CATSPER3: variants seen among roughly 807,000 people sequenced by gnomAD.
CATSPER3 encodes the protein cation channel sperm associated 3, also known as cation channel sperm-associated protein 3.
A neutral mutation model predicts 36.6 loss-of-function variants in CATSPER3; 23 were observed. The ratio of observed to expected loss-of-function variants is 0.63; its 90% CI spans 0.45 to 0.89. CATSPER3 has a LOEUF of 0.89. CATSPER3 is among the 40% of genes least tolerant of loss of function. The pLI, the probability that CATSPER3 is intolerant of heterozygous loss-of-function variation, is 0.00. For synonymous variants in CATSPER3, 172 were observed against 184.1 expected (o/e 0.93, Z 0.53); for missense variants, 474 against 503.9 (o/e 0.94, Z 0.57).
chr5:135,000,556 T>G (rs1320426261), intron 3 of CATSPER3, among the ~76,000 whole-genome samples: 6 of 152,142 alleles, frequency 3.9e-5, no homozygotes, highest in Non-Finnish European at 8.8e-5. Context: ...GTCCTGGAGT[T>G]TTTTTGGTTG....
At chr5:135,003,262 A>G (rs1428883929) in intron 3 of CATSPER3, among the ~76,000 whole-genome samples, 1 of 152,178 alleles carries the variant, frequency 6.6e-6, no homozygotes, top group Non-Finnish European at 1.5e-5. Context: ...AGGCTGCAAA[A>G]CAGCGAATAT....
Position 134,990,428 on chromosome 5 carries a change from C to A in CATSPER3, c.253-5845C>A, listed in dbSNP as rs565280601. Among the ~76,000 whole-genome samples the A allele has an allele frequency of 3.3e-4, 51 of 152,252 alleles. 1 individual carries two copies. The highest frequency in any genetic ancestry group is 2.9e-3 in the Admixed American group (45 of 15,294). ...AATTAGCGTCTCCAAAGGTGGCAAT[C>A]AGATATGCATTTATCTCAGTGAGCA... is the stretch of plus-strand genomic sequence containing the variant. On this transcript the variant is annotated intron_variant, in intron 2 of 7. Transcript: ENST00000282611.
chr5:134,981,768 A>G (rs1298246428), intron 2 of CATSPER3, among the ~76,000 whole-genome samples: 1 of 152,346 alleles, frequency 6.6e-6, no homozygotes, highest in East Asian at 1.9e-4. Flanking sequence ...TCTGACTTAT[A>G]CAATGAACAG....
At chr5:134,993,777 A>C (rs1215783014) in intron 2 of CATSPER3, among the ~76,000 whole-genome samples, 1 of 152,240 alleles carries the variant, frequency 6.6e-6, no homozygotes, top group Non-Finnish European at 1.5e-5. Flanking sequence ...TCTACTGCCC[A>C]AAACAAACTA....
chr5:134,998,476 A>T (rs1337412955), intron 3 of CATSPER3, among the ~76,000 whole-genome samples: 1 of 152,208 alleles, frequency 6.6e-6, no homozygotes. Flanking sequence ...CTAGTTATAG[A>T]TCCTTGAGGA....
intron 3 of CATSPER3, among the ~76,000 whole-genome samples, chr5:135,000,078 G>A (rs867966702): frequency 1.3e-4 from 20 of 152,122 alleles, no homozygotes; most frequent in Admixed American, 9.2e-4. Context: ...TTTGAGATAC[G>A]TCCCATCAGT....
chr5:134,977,434 C>A (rs1399977879), intron 2 of CATSPER3, among the ~76,000 whole-genome samples: 4 of 152,192 alleles, frequency 2.6e-5, no homozygotes, highest in African/African-American at 9.6e-5. Flanking sequence ...CAACCAAGTT[C>A]TTTGCTAAGG....
At chr5:134,969,616 T>G (rs1363600155) in intron 1 of CATSPER3, 1 of 376,790 alleles carries the variant, frequency 2.7e-6, no homozygotes, top group Non-Finnish European at 5.0e-6. Context: ...ACTAGATTGC[T>G]TGATATGTAG....
intron 2 of CATSPER3, among the ~76,000 whole-genome samples, chr5:134,980,021 G>T (rs148063708): frequency 1.5e-3 from 191 of 131,692 alleles, no homozygotes; most frequent in African/African-American, 4.9e-3. Context: ...TTACTCTGTT[G>T]TCTGGGCTAG....
intron 3 of CATSPER3, among the ~76,000 whole-genome samples, chr5:134,997,136 G>C (rs1751960149): frequency 6.6e-6 from 1 of 152,192 alleles, no homozygotes; most frequent in Non-Finnish European, 1.5e-5. Flanking sequence ...ACCTAGCTCT[G>C]CACCCAGTGT....
chr5:134,994,615 T>A (rs1751921320), intron 2 of CATSPER3, among the ~76,000 whole-genome samples: 1 of 152,228 alleles, frequency 6.6e-6, no homozygotes, highest in Non-Finnish European at 1.5e-5. Context: ...TTGTGAGATA[T>A]CTTAAAAATG....
Position 134,968,081 on chromosome 5 carries a change from G to A in CATSPER3, c.90G>A (p.Lys30=). 6.2e-7 allele frequency: 1 copy of A among 1,604,862 alleles called. No individual in the cohort carries two copies. Among genetic ancestry groups the A allele is most frequent in the Admixed American group, 1.7e-5 (1 of 60,006 alleles). The change falls in exon 1 of 8, where the codon AAG becomes AAA. Residue 30 remains lysine, a synonymous_variant. Coordinates refer to ENST00000282611, the MANE Select transcript of CATSPER3 (RefSeq NM_178019.3). ...CGGTGGGATTTTGCCCAACATTCAA[G>A]AAATTTAAGTAAATATTATCTATCT... ...TTSVGFCPTF[K]KFKRNDDECR... is the part of the protein sequence containing the mutation.
At chr5:134,986,090 C>T (rs546497100) in intron 2 of CATSPER3, among the ~76,000 whole-genome samples, 19 of 151,412 alleles carry the variant, frequency 1.3e-4, no homozygotes, top group South Asian at 4.2e-4. Context: ...AGCAATGAAA[C>T]GGAACTACAG....
chr5:134,995,455 C>A (rs141932489), intron 2 of CATSPER3, among the ~76,000 whole-genome samples: 1 of 152,272 alleles, frequency 6.6e-6, no homozygotes, highest in African/African-American at 2.4e-5. Context: ...TCCAACCTGG[C>A]GAGTCCCTTT....
chr5:134,969,905 C>G (rs531680169), intron 1 of CATSPER3, 34 bp from the exon 2 acceptor site: 5 of 1,612,266 alleles, frequency 3.1e-6, no homozygotes, highest in South Asian at 1.1e-5. Context: ...CTCTATTGTG[C>G]TGTAACCATA....
chr5:134,972,914 A>G (rs954577138), intron 2 of CATSPER3, among the ~76,000 whole-genome samples: 3 of 151,836 alleles, frequency 2.0e-5, no homozygotes, highest in Non-Finnish European at 2.9e-5. Flanking sequence ...AATGTGGCTT[A>G]TAAGAAGATA....
At chr5:135,002,830 TG>T (rs1465915381) in intron 3 of CATSPER3, among the ~76,000 whole-genome samples, 4 of 152,226 alleles carry the variant, frequency 2.6e-5, no homozygotes, top group African/African-American at 4.8e-5. Flanking sequence ...TTCTCTACAC[TG>T]GTTATTCTAG....
At chr5:134,999,855 C>G (rs941434410) in intron 3 of CATSPER3, among the ~76,000 whole-genome samples, 7 of 152,186 alleles carry the variant, frequency 4.6e-5, no homozygotes, top group Non-Finnish European at 1.0e-4. Flanking sequence ...CATCTGCAAA[C>G]AGGGACAATT....
rs553463069 is a variant in CATSPER3 at position 134,979,302 on chromosome 5, A to G, written c.252+9210A>G. ...TAGGCATGCACCATCATGCCCAGCT[A>G]ATTTTTGTATGTTTTGTAGAGATGG... On this transcript the variant is annotated intron_variant, in intron 2 of 7. Transcript: ENST00000282611. 2.0e-4 allele frequency among the ~76,000 whole-genome samples: 30 copies of G among 152,030 alleles called. No individual in the cohort carries two copies. The South Asian group carries it at 6.0e-3, about 31-fold the overall frequency.
Sources: gnomAD v4.1 joint callset for allele counts (sites outside exome capture counted in the v4.1 genomes callset) on GRCh38, gnomAD v4.1.1 for gene constraint, MANE v1.5 for transcripts, NCBI Gene and HGNC (gene_info 2026-07-23, HGNC 2026-07-21) for gene names.